Variants in CATSPER2 observed in about 807,000 individuals in gnomAD.
CATSPER2 encodes cation channel sperm-associated protein 2.
In CATSPER2, 56 loss-of-function variants were observed where a neutral mutation model predicts 68.8. The ratio of observed to expected loss-of-function variants is 0.81; its 90% CI spans 0.66 to 1.02. The LOEUF is 1.02. Ranked by LOEUF, CATSPER2 falls within the 50% of genes least tolerant of loss-of-function variation. The pLI is 0.00. For synonymous variants in CATSPER2, 198 were observed against 229.9 expected, an observed-to-expected ratio of 0.86 and a Z score of 1.26; for missense variants, 582 against 642.0, an observed-to-expected ratio of 0.91 and a Z score of 1.01.
intron 11 of CATSPER2, 146 bp from the exon 12 acceptor site, chr15:43,632,509 C>T (rs2085892672): frequency 1.3e-5 from 18 of 1,410,364 alleles, no homozygotes; most frequent in Non-Finnish European, 1.8e-5. Context: ...TAAGAAACCA[C>T]TTTTTACAAC....
Position 43,647,417 on chromosome 15 carries a change from G to A in CATSPER2, c.196C>T (p.Arg66Cys), listed in dbSNP as rs771394367. The change falls in exon 3 of 13, where the codon CGT becomes TGT. Residue 66 changes from arginine (R) to cysteine (C), a missense_variant. By Grantham distance (180) the Arg-to-Cys change is radical. Coordinates refer to ENST00000396879, the MANE Select transcript of CATSPER2 (RefSeq NM_172095.4). ...LVLGDQHQLV[R>C]FSIKPQRIEQ... ...ATACGCTGAGGCTTTATAGAGAAAC[G>A]CACTAGCTGGTGTTGATCTCCCAAT... 14 of 1,613,538 alleles carry A rather than the reference G, an allele frequency of 8.7e-6. No homozygotes were observed. Among genetic ancestry groups the A allele is most frequent in the Non-Finnish European group, 1.2e-5 (14 of 1,179,636 alleles).
chr15:43,646,965 C>A, intron 4 of CATSPER2, 85 bp downstream of exon 4: 1 of 1,167,820 alleles, frequency 8.6e-7, no homozygotes, highest in Non-Finnish European at 1.3e-6. Flanking sequence ...AATCCACACG[C>A]CCCGGCCTCC....
rs1412369508 is a variant in CATSPER2, at chr15:43,647,407, A to T, written c.206T>A (p.Ile69Lys). The change falls in exon 3 of 13, where the codon ATA (isoleucine) becomes AAA (lysine). Residue 69 changes from isoleucine (I) to lysine (K), a missense_variant. Coordinates refer to ENST00000396879, the MANE Select transcript of CATSPER2 (RefSeq NM_172095.4). ...AATCTGTTCTATACGCTGAGGCTTT[A>T]TAGAGAAACGCACTAGCTGGTGTTG... Reference protein sequence around the residue: ...GDQHQLVRFSIKPQRIEQISH... With the variant: ...GDQHQLVRFSKKPQRIEQISH... 6.2e-7 allele frequency: 1 copy of T among 1,613,472 alleles called. No individual in the cohort carries two copies. The highest frequency in any genetic ancestry group is 8.5e-7 in the Non-Finnish European group (1 of 1,179,666).
intron 4 of CATSPER2, among the ~76,000 whole-genome samples, chr15:43,644,357 G>C (rs1191788820): frequency 6.6e-6 from 1 of 151,918 alleles, no homozygotes; most frequent in Admixed American, 6.6e-5. Flanking sequence ...AAATTTCCAG[G>C]AGCTTGCCAG....
chr15:43,643,135 C>T (rs913740931), intron 4 of CATSPER2: 4 of 151,874 alleles, frequency 2.6e-5, no homozygotes, highest in Admixed American at 1.3e-4. Context: ...TATTGCTACT[C>T]CCTATTCTAG....
At chr15:43,633,026 C>T in intron 10 of CATSPER2, 92 bp from the exon 11 acceptor site, 3 of 1,053,406 alleles carry the variant, frequency 2.8e-6, no homozygotes, top group Non-Finnish European at 4.1e-6. Context: ...CCCCCTAAAG[C>T]TGGGGCATAA....
intron 4 of CATSPER2, among the ~76,000 whole-genome samples, chr15:43,646,706 CTT>C: frequency 7.3e-6 from 1 of 136,914 alleles, no homozygotes; most frequent in African/African-American, 3.2e-5. Flanking sequence ...CCCACTTCCT[CTT>C]TTTCTTTTTC....
At chr15:43,641,531 T>C (rs1333791190) in intron 4 of CATSPER2, among the ~76,000 whole-genome samples, 1 of 150,260 alleles carries the variant, frequency 6.7e-6, no homozygotes, top group Non-Finnish European at 1.5e-5. Context: ...AAAAAAACAC[T>C]CAGATTATAA....
Position 43,647,991 on chromosome 15 carries a change from T to A in CATSPER2, c.71A>T (p.Asp24Val). 1.2e-6 allele frequency: 2 copies of A among 1,613,590 alleles called. No individual in the cohort carries two copies. Among genetic ancestry groups the A allele is most frequent in the South Asian group, 2.2e-5 (2 of 91,042 alleles). ...RADAIRSRLI[D>V]TFSLIEHLQG... ...CAAATGCTCAATGAGAGAGAAAGTA[T>A]CGATGAGACGTGAACGAATGGCATC... The change falls in exon 2 of 13, where the codon GAT becomes GTT. Residue 24 changes from aspartate to valine, a missense_variant. This residue lies in a region of CATSPER2 where 197 missense variants were observed against 191.0 expected (regional missense o/e 1.03). Transcript: ENST00000396879.
rs1363970378 is a variant in CATSPER2 at position 43,645,726 on chromosome 15, G to A, written c.388+1324C>T. Among the ~76,000 whole-genome samples, 9 of 151,768 alleles carry A rather than the reference G, an allele frequency of 5.9e-5. 1 individual carries two copies. Among genetic ancestry groups the A allele is most frequent in the Admixed American group, 5.9e-4 (9 of 15,234 alleles). On this transcript the variant is annotated intron_variant, in intron 4 of 12. Transcript: ENST00000396879. ...GAGGATCAACTGAGCCCTGGAGGTC[G>A]AGGCTGCAACAAGCCATGATCACAC...
Position 43,647,972 on chromosome 15 carries a change from C to T in CATSPER2, c.90G>A (p.Glu30=), listed in dbSNP as rs1295149958. ...SRLIDTFSLI[E]HLQGLSQAVP... is the part of the protein sequence containing the mutation. ...CAGCTTGGCTCAAGCCTTGCAAATG[C>T]TCAATGAGAGAGAAAGTATCGATGA... Residue 30 remains glutamate (E), a synonymous_variant, in exon 2 of 13, where the codon GAG becomes GAA. Coordinates refer to ENST00000396879, the MANE Select transcript of CATSPER2 (RefSeq NM_172095.4). 6.2e-7 allele frequency: 1 copy of T among 1,613,702 alleles called. No homozygotes were observed.
chr15:43,635,168 C>G (rs1375971197), intron 10 of CATSPER2, 192 bp downstream of exon 10: 2 of 633,872 alleles, frequency 3.2e-6, no homozygotes, highest in Non-Finnish European at 2.9e-6. Context: ...TTTTTTTTTC[C>G]AAATAAGGTC....
In CATSPER2 at chr15:43,636,306, G is replaced by A. The variant is rs2085963127; in HGVS notation, c.843-87C>T. On this transcript the variant is annotated intron_variant, in intron 7 of 12. Transcript: ENST00000396879. ...ATTCTTACTTTTAAAGAAACATAAA[G>A]CATTTCTTTGTAGTTTGTTCTGATT... 3 of 1,526,864 alleles carry A rather than the reference G, an allele frequency of 2.0e-6. 1 individual carries two copies. The highest frequency in any genetic ancestry group is 2.3e-5 in the East Asian group (1 of 44,168). The allele number at this position is 1,526,864 out of a possible 1,614,324, so 94.6% of individuals were successfully genotyped here. A position where few individuals can be genotyped will look rare whatever the true frequency, so the allele number is the denominator to read the frequency against.
At chr15:43,634,827 T>C (rs2085935574) in intron 10 of CATSPER2, 1 of 160,290 alleles carries the variant, frequency 6.2e-6, no homozygotes, top group Non-Finnish European at 1.4e-5. Context: ...TACTATAAAC[T>C]TGGTAGCTTA....
intron 4 of CATSPER2, among the ~76,000 whole-genome samples, chr15:43,646,807 T>C (rs997582359): frequency 1.0e-4 from 15 of 150,152 alleles, no homozygotes; most frequent in African/African-American, 3.7e-4. Flanking sequence ...CTACGCCTCC[T>C]GGGTTTAAGC....
intron 7 of CATSPER2, among the ~76,000 whole-genome samples, chr15:43,638,115 T>G (rs973301831): frequency 8.0e-5 from 12 of 150,466 alleles, no homozygotes; most frequent in Non-Finnish European, 1.5e-4. Context: ...CCACCACACC[T>G]GGCTAATTTT....
rs760360372 is a variant in CATSPER2 at position 43,632,276 on chromosome 15, G to A, written c.1484C>T (p.Ser495Leu). ...DQDDRVWPRDSLFRYFELLEK... is the reference protein window; with the variant it reads ...DQDDRVWPRDLLFRYFELLEK... ...TAGCAACTCAAAATATCGGAAGAGT[G>A]AGTCTCTGGGCCAAACACGGTCATC... is the stretch of plus-strand genomic sequence containing the variant. Residue 495 changes from serine (S) to leucine (L), a missense_variant, in exon 12 of 13, where the codon TCA (serine) becomes TTA (leucine). By Grantham distance (145) the Ser-to-Leu change is moderately radical (BLOSUM62 -2). This residue lies in a region of CATSPER2 where 235 missense variants were observed against 264.2 expected (regional missense o/e 0.89). Transcript: ENST00000396879. 5 of 1,613,492 alleles carry A rather than the reference G, an allele frequency of 3.1e-6. No individual in the cohort carries two copies. Among genetic ancestry groups the A allele is most frequent in the Non-Finnish European group, 4.2e-6 (5 of 1,179,770 alleles).
intron 7 of CATSPER2, among the ~76,000 whole-genome samples, chr15:43,638,402 C>T (rs1444785742): frequency 1.9e-4 from 27 of 145,040 alleles, no homozygotes; most frequent in African/African-American, 7.1e-4. Context: ...AATTCTCCTG[C>T]CTCAGACTCC....
chr15:43,646,772 T>C (rs2086173188), intron 4 of CATSPER2, among the ~76,000 whole-genome samples: 2 of 150,280 alleles, frequency 1.3e-5, no homozygotes, highest in Non-Finnish European at 3.0e-5. Context: ...TGAAATGCAG[T>C]GGCACAATCT....
Sources: gnomAD v4.1 joint callset for allele counts (sites outside exome capture counted in the v4.1 genomes callset) on GRCh38, gnomAD v4.1.1 for gene constraint, gnomAD v4.1.1 regional missense constraint, MANE v1.5 for transcripts, NCBI Gene and HGNC (gene_info 2026-07-23, HGNC 2026-07-21) for gene names.